The following MTMR10 variants were observed in gnomAD, a reference collection of about 807,000 sequenced individuals.
The protein encoded by MTMR10 is myotubularin-related protein 10.
A neutral mutation model predicts 88.1 loss-of-function variants in MTMR10; 56 were observed. The ratio of observed to expected loss-of-function variants is 0.64; its 90% CI spans 0.51 to 0.79. The LOEUF (loss-of-function observed/expected upper bound fraction) is 0.79, where lower values mean the gene tolerates loss of function less well. Among genes scored for constraint, MTMR10 ranks in the 30% least tolerant of loss-of-function variants. MTMR10 has a pLI of 0.00. For missense variants in MTMR10, 883 were observed against 924.7 expected (o/e 0.95, Z 0.58); for synonymous variants, 380 against 340.9 (o/e 1.11, Z -1.26).
In MTMR10 at chr15:30,942,951, T is replaced by C. The variant is rs745948934; in HGVS notation, c.1670A>G (p.Tyr557Cys). The C allele has an allele frequency of 1.3e-6, 2 of 1,563,138 alleles. No individual in the cohort carries two copies. Among genetic ancestry groups the C allele is most frequent in the Non-Finnish European group, 8.7e-7 (1 of 1,151,684 alleles). ...TATACAAGGTGTGCTCTTTCCAATG[T>C]AGAAGGGGTTATGGAAAAGGGTGCG... The part of the protein sequence containing the change: ...KDRTLFHNPF[Y>C]IGKSTPCIQN... The change falls in exon 15 of 16, where the codon TAC becomes TGC. Residue 557 changes from tyrosine (Y) to cysteine (C), a missense_variant. This residue lies in a region of MTMR10 where 343 missense variants were observed against 323.2 expected (regional missense o/e 1.06). Transcript: ENST00000435680.
the MTMR10 span, among the ~76,000 whole-genome samples, chr15:30,921,519 A>G: frequency 6.6e-6 from 1 of 152,162 alleles, no homozygotes; most frequent in Non-Finnish European, 1.5e-5. Context: ...AAAAATATAT[A>G]TATACAAAAC....
At chr15:30,951,021 T>C (rs1338311076) in intron 12 of MTMR10, among the ~76,000 whole-genome samples, 1 of 152,222 alleles carries the variant, frequency 6.6e-6, no homozygotes, top group Non-Finnish European at 1.5e-5. Flanking sequence ...CCGCCAATAT[T>C]TTCAGTCCTG....
chr15:30,966,784 CTATAAA>C (rs2063477086), intron 6 of MTMR10, among the ~76,000 whole-genome samples: 1 of 150,838 alleles, frequency 6.6e-6, no homozygotes, highest in Non-Finnish European at 1.5e-5. Flanking sequence ...TATACAATTT[CTATAAA>C]TATAATACTG....
At chr15:30,982,130 G>A (rs1320841732) in intron 2 of MTMR10, among the ~76,000 whole-genome samples, 13 of 151,718 alleles carry the variant, frequency 8.6e-5, no homozygotes, top group Non-Finnish European at 1.3e-4. Flanking sequence ...AAAAAAACAC[G>A]TCAAGGTCTT....
chr15:30,938,754 T>A (rs116398674), downstream of MTMR10, among the ~76,000 whole-genome samples: 781 of 152,290 alleles, frequency 5.1e-3, 9 homozygotes, highest in African/African-American at 0.018. Context: ...GATCTATCAA[T>A]ATCCACATGG....
the MTMR10 span, chr15:30,924,993 C>G: frequency 2.3e-6 from 2 of 867,822 alleles, no homozygotes; most frequent in East Asian, 2.6e-5. Flanking sequence ...GCCTAAATCT[C>G]TAGAAGTGCT....
At position 30,942,913 on chromosome 15, in the gene MTMR10, C is replaced by T. The variant is rs747895020; in HGVS notation, c.1708G>A (p.Val570Met). The change falls in exon 15 of 16, where the codon GTG (valine) becomes ATG (methionine). Residue 570 changes from valine (V) to methionine (M), a missense_variant. Transcript: ENST00000435680. ...KSTPCIQNGSVKSFKRTKKSY... is the reference protein window; with the variant it reads ...KSTPCIQNGSMKSFKRTKKSY... ...ACCTTTGTCCGTTTAAAAGACTTCACGGAGCCATTCTGTATACAAGGTGTG... is the reference window on the plus strand; with the variant it reads ...ACCTTTGTCCGTTTAAAAGACTTCATGGAGCCATTCTGTATACAAGGTGTG... The T allele has an allele frequency of 1.3e-5, 21 of 1,566,934 alleles. No individual in the cohort carries two copies. The highest frequency in any genetic ancestry group is 3.8e-5 in the Admixed American group (2 of 53,012).
Position 30,941,939 on chromosome 15 carries a change from CT to C in MTMR10, c.1864del (p.Ser622AlafsTer33), listed in dbSNP as rs1307614512. ...PKPDPAQQTD[S>X]QNSDTEQYFR... is the part of the protein sequence containing the mutation. ...ATACTGCTCCGTATCACTGTTCTGG[CT>C]GTCGGTTTGCTGAGCTGGATCTGGC... On this transcript the variant is annotated frameshift_variant, in exon 16 of 16. Transcript: ENST00000435680. LOFTEE classifies it low-confidence loss of function (END_TRUNC). 2 of 1,614,018 alleles carry C rather than the reference CT, an allele frequency of 1.2e-6. No homozygotes were observed. Among genetic ancestry groups the C allele is most frequent in the Non-Finnish European group, 1.7e-6 (2 of 1,179,894 alleles).
rs374690831 is a variant in MTMR10, at chr15:30,959,238, T to C, written c.759-117A>G. On this transcript the variant is annotated intron_variant, in intron 7 of 15. Transcript: ENST00000435680. ...CGCATTTAATGTGCACCCCACTTAG[T>C]AGCCACATGGTGGGCACCATGGGGG... 1.1e-4 allele frequency: 101 copies of C among 897,580 alleles called. 1 individual carries two copies. The African/African-American group carries it at 1.4e-3, about 13-fold the overall frequency. The allele number at this position is 897,580 out of a possible 1,614,324, so 55.6% of individuals were successfully genotyped here.
rs755982630 is a variant in MTMR10 at position 30,959,067 on chromosome 15, G to A, written c.813C>T (p.Ile271=). ...PSSLADQDLK[I]FSHSFVGRRM... ...TTCTCCCAACAAAAGAATGGGAAAAGATCTTTAGATCTTGGTCTGCTAAAG... is the reference window on the plus strand; with the variant it reads ...TTCTCCCAACAAAAGAATGGGAAAAAATCTTTAGATCTTGGTCTGCTAAAG... Residue 271 remains isoleucine (I), a synonymous_variant, in exon 8 of 16, where the codon ATC becomes ATT. Coordinates refer to ENST00000435680, the MANE Select transcript of MTMR10 (RefSeq NM_017762.3). The A allele has an allele frequency of 1.2e-6, 2 of 1,612,026 alleles. No homozygotes were observed. The highest frequency in any genetic ancestry group is 1.3e-5 in the African/African-American group (1 of 74,890).
intron 2 of MTMR10, among the ~76,000 whole-genome samples, chr15:30,981,022 T>C (rs567009955): frequency 6.6e-6 from 1 of 152,278 alleles, no homozygotes; most frequent in African/African-American, 2.4e-5. Flanking sequence ...ATTAGAACAT[T>C]ACAGTAAAGA....
At chr15:30,965,070 T>A (rs2063457190) in intron 6 of MTMR10, among the ~76,000 whole-genome samples, 1 of 152,246 alleles carries the variant, frequency 6.6e-6, no homozygotes, top group South Asian at 2.1e-4. Context: ...TGGGAGATTC[T>A]GACCTGTGCT....
downstream of MTMR10, among the ~76,000 whole-genome samples, chr15:30,934,830 A>G (rs1283906478): frequency 6.6e-6 from 1 of 152,248 alleles, no homozygotes; most frequent in African/African-American, 2.4e-5. Context: ...GAACCTTTCA[A>G]TAATATATAT....
chr15:30,972,453 T>C (rs977905889), intron 5 of MTMR10, among the ~76,000 whole-genome samples: 11 of 152,080 alleles, frequency 7.2e-5, no homozygotes, highest in Admixed American at 7.2e-4. Context: ...TTTAGGATAC[T>C]GGGGAAAAGA....
downstream of MTMR10, among the ~76,000 whole-genome samples, chr15:30,938,774 T>C (rs975991344): frequency 6.6e-6 from 1 of 152,170 alleles, no homozygotes. Flanking sequence ...GCTTTAACTT[T>C]AGCCACTTCC....
chr15:30,991,594 A>C lies in MTMR10; in HGVS notation c.-88T>G, dbSNP rs1395733889. ...CGTAAAGCTCTCAGTGCGGCCGCCC[A>C]GGCCCTTTCTGCGGCCAGCCGAGCC... On this transcript the variant is annotated 5_prime_UTR_variant, in exon 1 of 16. Coordinates refer to ENST00000435680, the MANE Select transcript of MTMR10 (RefSeq NM_017762.3). The C allele has an allele frequency of 6.9e-7, 1 of 1,442,360 alleles. No homozygotes were observed. Among genetic ancestry groups the C allele is most frequent in the East Asian group, 2.8e-5 (1 of 35,746 alleles). The allele number at this position is 1,442,360 out of a possible 1,614,324, so 89.3% of individuals were successfully genotyped here.
chr15:30,931,117 C>T, the MTMR10 span, among the ~76,000 whole-genome samples: 2 of 152,296 alleles, frequency 1.3e-5, no homozygotes, highest in Non-Finnish European at 2.9e-5. Flanking sequence ...ATACCCCATT[C>T]CCCTTGATGT....
At chr15:30,984,315 T>C (rs548261558) in intron 2 of MTMR10, among the ~76,000 whole-genome samples, 3 of 152,298 alleles carry the variant, frequency 2.0e-5, no homozygotes, top group East Asian at 3.9e-4. Flanking sequence ...GCTCCAAACA[T>C]TCCTAAGGCT....
the MTMR10 span, among the ~76,000 whole-genome samples, chr15:30,929,958 C>CAT: frequency 6.9e-5 from 7 of 100,736 alleles, no homozygotes; most frequent in African/African-American, 1.3e-4. Flanking sequence ...TAATATATAT[C>CAT]ATATAATATA....
Sources: gnomAD v4.1 joint callset for allele counts (sites outside exome capture counted in the v4.1 genomes callset) on GRCh38, gnomAD v4.1.1 for gene constraint, gnomAD v4.1.1 regional missense constraint, MANE v1.5 for transcripts, NCBI Gene and HGNC (gene_info 2026-07-23, HGNC 2026-07-21) for gene names.